ATG10: variants seen among roughly 807,000 people sequenced by gnomAD.
The protein encoded by ATG10 is autophagy related 10.
ATG10 carries 30 observed loss-of-function variants against 32.1 expected under a neutral mutation model. That is an observed-to-expected ratio of 0.94 (90% CI 0.70 to 1.27). The LOEUF (loss-of-function observed/expected upper bound fraction) is 1.27. ATG10 is among the 50% of genes most tolerant of loss of function. ATG10 has a pLI of 0.00. For synonymous variants in ATG10, 87 were observed against 91.5 expected (o/e 0.95, Z 0.28); for missense variants, 233 against 262.3 (o/e 0.89, Z 0.77).
chr5:82,225,121 C>G (rs1471517267), intron 5 of ATG10, among the ~76,000 whole-genome samples: 1 of 152,154 alleles, frequency 6.6e-6, no homozygotes, highest in Non-Finnish European at 1.5e-5. Flanking sequence ...TCCTTGCACC[C>G]TTTTAATGTC....
At chr5:82,066,311 T>G (rs1433015690) in intron 3 of ATG10, among the ~76,000 whole-genome samples, 1 of 152,154 alleles carries the variant, frequency 6.6e-6, no homozygotes, top group Non-Finnish European at 1.5e-5. Flanking sequence ...GAAGTTTGTG[T>G]TCTGCTTGAA....
chr5:82,089,927 G>A (rs1385495229), intron 3 of ATG10, among the ~76,000 whole-genome samples: 3 of 151,848 alleles, frequency 2.0e-5, no homozygotes, highest in East Asian at 1.9e-4. Flanking sequence ...AGAAAAATGA[G>A]CAAAAGACTC....
chr5:82,053,273 A>AG (rs1269633228), intron 2 of ATG10, among the ~76,000 whole-genome samples: 2 of 152,134 alleles, frequency 1.3e-5, no homozygotes. Context: ...TTTCCTCTTT[A>AG]GTAAACTATC....
At chr5:82,001,566 A>G (rs984838319) in intron 2 of ATG10, among the ~76,000 whole-genome samples, 6 of 152,212 alleles carry the variant, frequency 3.9e-5, no homozygotes, top group African/African-American at 1.2e-4. Flanking sequence ...TCCCTATTCA[A>G]TAAATGATGT....
intron 5 of ATG10, among the ~76,000 whole-genome samples, chr5:82,184,952 T>C (rs1025819125): frequency 6.6e-6 from 1 of 152,192 alleles, no homozygotes; most frequent in African/African-American, 2.4e-5. Flanking sequence ...CCCTCCTGTT[T>C]TACAGCTGCC....
chr5:82,014,657 C>T (rs888599425), intron 2 of ATG10, among the ~76,000 whole-genome samples: 4 of 151,974 alleles, frequency 2.6e-5, no homozygotes, highest in African/African-American at 7.3e-5. Context: ...GCAATCCCTG[C>T]CTGTTTTTGT....
intron 3 of ATG10, among the ~76,000 whole-genome samples, chr5:82,090,021 AAAC>A: frequency 6.6e-6 from 1 of 152,048 alleles, no homozygotes; most frequent in Admixed American, 6.6e-5. Flanking sequence ...ATGCAAATTA[AAAC>A]AACAATGAGA....
chr5:82,139,572 C>CTG (rs1766958249), intron 3 of ATG10, among the ~76,000 whole-genome samples: 1 of 147,968 alleles, frequency 6.8e-6, no homozygotes, highest in Non-Finnish European at 1.5e-5. Context: ...TGCCCGGCCG[C>CTG]CCCGTCTGAG....
chr5:82,081,884 G>A (rs1167104990), intron 3 of ATG10, among the ~76,000 whole-genome samples: 2 of 152,186 alleles, frequency 1.3e-5, no homozygotes, highest in Non-Finnish European at 1.5e-5. Context: ...AAATGAGTTA[G>A]GGAGGATTCT....
intron 5 of ATG10, among the ~76,000 whole-genome samples, chr5:82,191,414 G>C (rs1744655768): frequency 6.6e-6 from 1 of 152,192 alleles, no homozygotes; most frequent in East Asian, 1.9e-4. Context: ...TTGCATAAAT[G>C]GTTGAGCAGA....
In ATG10 at chr5:82,246,216, G is replaced by A. The variant is rs139961540; in HGVS notation, c.454-6346G>A. Among the ~76,000 whole-genome samples the A allele has an allele frequency of 2.4e-3, 362 of 151,904 alleles. 1 individual carries two copies. Among genetic ancestry groups the A allele is most frequent in the Admixed American group, 4.6e-3 (70 of 15,264 alleles). ...CTCCCAAGTATCTGGGACTACAGGC[G>A]CCTGCCACCACACCCAGCTAATTTT... On this transcript the variant is annotated intron_variant, in intron 5 of 7. Coordinates refer to ENST00000282185, the MANE Select transcript of ATG10 (RefSeq NM_031482.5).
At chr5:82,223,136 C>T (rs1745993873) in intron 5 of ATG10, among the ~76,000 whole-genome samples, 1 of 152,162 alleles carries the variant, frequency 6.6e-6, no homozygotes, top group Non-Finnish European at 1.5e-5. Context: ...CCAAACAAGG[C>T]TGCAGTTGTA....
At chr5:82,063,039 C>A (rs572386593) in intron 3 of ATG10, among the ~76,000 whole-genome samples, 1 of 152,146 alleles carries the variant, frequency 6.6e-6, no homozygotes, top group African/African-American at 2.4e-5. Context: ...CCTCAGATGG[C>A]CAGGTATGGT....
chr5:82,043,511 G>A (rs939844332), intron 2 of ATG10, among the ~76,000 whole-genome samples: 6 of 152,176 alleles, frequency 3.9e-5, no homozygotes, highest in African/African-American at 1.4e-4. Flanking sequence ...GAATTCTTCC[G>A]TGGAAAATGG....
intron 3 of ATG10, among the ~76,000 whole-genome samples, chr5:82,080,052 A>G (rs1274293627): frequency 5.9e-5 from 9 of 152,028 alleles, no homozygotes; most frequent in Non-Finnish European, 7.4e-5. Flanking sequence ...TTTAATGATT[A>G]CCATTCTAAC....
At chr5:82,024,832 T>G (rs1393090693) in intron 2 of ATG10, among the ~76,000 whole-genome samples, 1 of 152,230 alleles carries the variant, frequency 6.6e-6, no homozygotes, top group Non-Finnish European at 1.5e-5. Flanking sequence ...TATGCTGTAG[T>G]GACCACTGAG....
At chr5:82,038,971 G>T (rs943188534) in intron 2 of ATG10, among the ~76,000 whole-genome samples, 1 of 152,104 alleles carries the variant, frequency 6.6e-6, no homozygotes, top group Non-Finnish European at 1.5e-5. Context: ...CCTCAGCCTC[G>T]TGAGTAGCTG....
intron 2 of ATG10, among the ~76,000 whole-genome samples, chr5:82,012,812 T>A (rs995344671): frequency 2.0e-5 from 3 of 151,854 alleles, no homozygotes; most frequent in African/African-American, 7.3e-5. Flanking sequence ...TGTGCCACCA[T>A]GCCTGGTTAA....
chr5:81,983,239 C>A (rs1284864976), intron 1 of ATG10, among the ~76,000 whole-genome samples: 14 of 149,208 alleles, frequency 9.4e-5, no homozygotes. Context: ...GGGCTGACCC[C>A]CCCCCCCACC....
Sources: allele counts gnomAD v4.1 joint callset (sites outside exome capture counted in the v4.1 genomes callset), GRCh38; gene constraint gnomAD v4.1.1; transcripts MANE v1.5; gene names NCBI Gene and HGNC (gene_info 2026-07-23, HGNC 2026-07-21).